Variants in SNTG2 observed in about 807,000 individuals in gnomAD.
The protein encoded by SNTG2 is syntrophin gamma 2.
A neutral mutation model predicts 70.9 loss-of-function variants in SNTG2; 74 were observed. The ratio of observed to expected loss-of-function variants is 1.04; its 90% CI spans 0.86 to 1.27. The LOEUF is 1.27. SNTG2 is among the 50% of genes most tolerant of loss of function. The pLI, the probability that SNTG2 is intolerant of heterozygous loss-of-function variation, is 0.00. For synonymous variants in SNTG2, 278 were observed against 273.8 expected (o/e 1.02, Z -0.15); for missense variants, 717 against 690.7 (o/e 1.04, Z -0.43).
intron 14 of SNTG2, among the ~76,000 whole-genome samples, chr2:1,269,823 GA>G (rs1678925995): frequency 6.6e-6 from 1 of 152,186 alleles, no homozygotes; most frequent in Non-Finnish European, 1.5e-5. Context: ...CTTTCGTGGG[GA>G]ATGGAGGCAA....
At chr2:1,015,372 T>C (rs774623484) in intron 1 of SNTG2, among the ~76,000 whole-genome samples, 17 of 152,190 alleles carry the variant, frequency 1.1e-4, no homozygotes, top group Non-Finnish European at 1.9e-4. Context: ...TCCACACATA[T>C]ATATTATTTT....
intron 4 of SNTG2, among the ~76,000 whole-genome samples, chr2:1,110,403 ATTTC>A (rs977774330): frequency 7.9e-5 from 12 of 152,252 alleles, no homozygotes; most frequent in South Asian, 6.2e-4. Context: ...TCTGTGATTA[ATTTC>A]TTTCTGTGTT....
chr2:1,363,247 T>C (rs965792057), intron 16 of SNTG2, among the ~76,000 whole-genome samples: 1 of 151,884 alleles, frequency 6.6e-6, no homozygotes, highest in African/African-American at 2.4e-5. Flanking sequence ...AAGACAAGTC[T>C]TCTATGAGGA....
intron 8 of SNTG2, among the ~76,000 whole-genome samples, chr2:1,183,842 G>A (rs1672084277): frequency 6.6e-6 from 1 of 151,896 alleles, no homozygotes. Flanking sequence ...AAAGAAGTAA[G>A]CATTAAAAAA....
intron 1 of SNTG2, among the ~76,000 whole-genome samples, chr2:1,069,372 C>T (rs955931296): frequency 6.6e-6 from 1 of 150,746 alleles, no homozygotes; most frequent in African/African-American, 2.4e-5. Flanking sequence ...TTCTGATTTA[C>T]ATTCTGAAAG....
chr2:1,152,167 T>C (rs1364848310), intron 6 of SNTG2, among the ~76,000 whole-genome samples: 1 of 152,188 alleles, frequency 6.6e-6, no homozygotes, highest in Non-Finnish European at 1.5e-5. Context: ...AGGCAATCAG[T>C]CAATCATGGT....
At chr2:1,221,837 C>G (rs549177335) in intron 9 of SNTG2, among the ~76,000 whole-genome samples, 5,185 of 5,520 alleles carry the variant, frequency 0.94, 2,450 homozygotes, top group Middle Eastern at 1. Context: ...CTCTGTCTCT[C>G]TCTGTCTCTG....
intron 1 of SNTG2, among the ~76,000 whole-genome samples, chr2:972,591 T>A (rs1013329335): frequency 4.6e-5 from 7 of 152,170 alleles, no homozygotes; most frequent in Admixed American, 2.0e-4. Flanking sequence ...TGTCGGATCA[T>A]CATCATAATA....
At chr2:1,004,444 A>T (rs988985454) in intron 1 of SNTG2, among the ~76,000 whole-genome samples, 2 of 152,252 alleles carry the variant, frequency 1.3e-5, no homozygotes, top group Non-Finnish European at 2.9e-5. Flanking sequence ...GCTTGTACAC[A>T]GGATATACAA....
chr2:1,354,115 T>A (rs1183775745), intron 16 of SNTG2, among the ~76,000 whole-genome samples: 3 of 152,204 alleles, frequency 2.0e-5, no homozygotes, highest in African/African-American at 7.2e-5. Flanking sequence ...TTAAAATCAT[T>A]GTTTCAGCCA....
intron 12 of SNTG2, among the ~76,000 whole-genome samples, chr2:1,249,195 A>G (rs1677616405): frequency 6.6e-6 from 1 of 152,346 alleles, no homozygotes; most frequent in South Asian, 2.1e-4. Context: ...AGCACACAAT[A>G]TCAGAGCTCC....
intron 7 of SNTG2, among the ~76,000 whole-genome samples, chr2:1,167,572 C>T (rs1425181055): frequency 5.4e-5 from 7 of 128,654 alleles, no homozygotes; most frequent in Admixed American, 3.0e-4. Flanking sequence ...CGCCCACAGA[C>T]GGCAGAACTG....
chr2:1,272,485 AG>A (rs1444684018), intron 14 of SNTG2, among the ~76,000 whole-genome samples: 3 of 76,050 alleles, frequency 3.9e-5, no homozygotes, highest in Admixed American at 2.2e-4. Context: ...AAAAAAAAAA[AG>A]GATTCTGTTA....
Position 1,193,388 on chromosome 2 carries a change from G to A in SNTG2, c.592-15715G>A, listed in dbSNP as rs62107163. On this transcript the variant is annotated intron_variant, in intron 8 of 16. Coordinates refer to ENST00000308624, the MANE Select transcript of SNTG2 (RefSeq NM_018968.4). Reference sequence around the variant, plus strand: ...CACCTGATGAAAAGGATTGGAAAGCGTAGCCCAGGCTTCATCACTGATACC... The same window carrying A: ...CACCTGATGAAAAGGATTGGAAAGCATAGCCCAGGCTTCATCACTGATACC... 7.5e-3 allele frequency among the ~76,000 whole-genome samples: 1,145 copies of A among 152,272 alleles called. 7 individuals carry two copies. Among genetic ancestry groups the A allele is most frequent in the Middle Eastern group, 0.034 (10 of 292 alleles).
chr2:1,290,346 A>C (rs529077408), intron 14 of SNTG2, among the ~76,000 whole-genome samples: 1 of 145,186 alleles, frequency 6.9e-6, no homozygotes, highest in South Asian at 2.2e-4. Flanking sequence ...ATGAACTTTC[A>C]CTCTCTCACC....
intron 16 of SNTG2, among the ~76,000 whole-genome samples, chr2:1,330,390 C>T (rs1478236455): frequency 1.3e-5 from 2 of 152,138 alleles, no homozygotes; most frequent in African/African-American, 2.4e-5. Context: ...GGAATACTGC[C>T]TAGCTAATTC....
chr2:951,054 C>G lies in SNTG2; in HGVS notation c.58C>G (p.Leu20Val). 2 of 1,273,116 alleles carry G rather than the reference C, an allele frequency of 1.6e-6. No homozygotes were observed. Among genetic ancestry groups the G allele is most frequent in the Non-Finnish European group, 2.0e-6 (2 of 1,012,400 alleles). The allele number at this position is 1,273,116 out of a possible 1,614,324, so 78.9% of individuals were successfully genotyped here. The change falls in exon 1 of 17, where the codon CTG becomes GTG. Residue 20 changes from leucine to valine, a missense_variant. Coordinates refer to ENST00000308624, the MANE Select transcript of SNTG2 (RefSeq NM_018968.4). ...AASRGRQGCL[L>V]VPARTKTTIA... ...CTCCCGCGGACGCCAGGGCTGCCTG[C>G]TGGTACCTGCGCGGGTGAGTGCGGC...
intron 9 of SNTG2, among the ~76,000 whole-genome samples, chr2:1,227,633 C>T (rs1438589508): frequency 6.6e-6 from 1 of 152,216 alleles, no homozygotes; most frequent in Non-Finnish European, 1.5e-5. Context: ...GCCTGTGCAG[C>T]CGCAGCTGGG....
At chr2:1,349,483 C>T (rs1361059883) in intron 16 of SNTG2, among the ~76,000 whole-genome samples, 1 of 152,188 alleles carries the variant, frequency 6.6e-6, no homozygotes, top group Non-Finnish European at 1.5e-5. Flanking sequence ...TATACAAAGG[C>T]AGTTTTGGTC....
Sources: gnomAD v4.1 joint callset for allele counts (sites outside exome capture counted in the v4.1 genomes callset) on GRCh38, gnomAD v4.1.1 for gene constraint, MANE v1.5 for transcripts, NCBI Gene and HGNC (gene_info 2026-07-23, HGNC 2026-07-21) for gene names.